NEK2: variants seen among roughly 807,000 people sequenced by gnomAD.
The protein encoded by NEK2 is serine/threonine-protein kinase Nek2.
In NEK2, 28 loss-of-function variants were observed where a neutral mutation model predicts 54.1. The ratio of observed to expected loss-of-function variants is 0.52; its 90% confidence interval spans 0.38 to 0.71. The LOEUF is 0.71. NEK2 is among the 30% of genes least tolerant of loss of function. The pLI is 0.00. For synonymous variants in NEK2, 176 were observed against 193.1 expected, an observed-to-expected ratio of 0.91 and a Z score of 0.73; for missense variants, 407 against 531.5, an observed-to-expected ratio of 0.77 and a Z score of 2.30.
rs756236866 is a variant in NEK2, at chr1:211,663,497, G to A, written c.1267C>T (p.Arg423Trp). 7.4e-6 allele frequency: 12 copies of A among 1,613,926 alleles called. No homozygotes were observed. The highest frequency in any genetic ancestry group is 4.0e-5 in the African/African-American group (3 of 75,032). Residue 423 changes from arginine to tryptophan, a missense_variant, in exon 8 of 8, where the codon CGG (arginine) becomes TGG (tryptophan). Coordinates refer to ENST00000366999, the MANE Select transcript of NEK2 (RefSeq NM_002497.4). ...LKKRLHAAQL[R>W]AQALSDIEKN... ...TCAATATCTGACAGGGCTTGAGCCC[G>A]CAGCTGGGCAGCGTGAAGCCTTTTC...
chr1:211,660,857 T>G (rs551859462), downstream of NEK2: 1 of 715,870 alleles, frequency 1.4e-6, no homozygotes, highest in African/African-American at 1.7e-5. Context: ...TCCAGAAGCA[T>G]AGCATCATTG....
intron 1 of NEK2, among the ~76,000 whole-genome samples, 186 bp from the exon 2 acceptor site, chr1:211,674,699 A>T (rs1363037037): frequency 6.6e-6 from 1 of 152,194 alleles, no homozygotes; most frequent in Admixed American, 6.5e-5. Flanking sequence ...AGTTCTAAGC[A>T]GTAAATGTAT....
rs1655558432 is a variant in NEK2, at chr1:211,675,561, G to C, written c.-82C>G. 2 of 1,163,788 alleles carry C rather than the reference G, an allele frequency of 1.7e-6. No homozygotes were observed. The highest frequency in any genetic ancestry group is 1.8e-5 in the Admixed American group (1 of 55,058). The allele number at this position is 1,163,788 out of a possible 1,614,324, so 72.1% of individuals were successfully genotyped here. ...AGCTCCAGGGACCAGGAACTCCAGGGACCTGGATGGAGAAGCCCCCGAGCA... is the reference window on the plus strand; with the variant it reads ...AGCTCCAGGGACCAGGAACTCCAGGCACCTGGATGGAGAAGCCCCCGAGCA... On this transcript the variant is annotated 5_prime_UTR_variant, in exon 1 of 8. Transcript: ENST00000366999.
chr1:211,661,850 G>A (rs1242399864), downstream of NEK2, among the ~76,000 whole-genome samples: 6 of 152,156 alleles, frequency 3.9e-5, no homozygotes, highest in African/African-American at 1.2e-4. Context: ...TAAGGCAAGC[G>A]TGGCACTATT....
downstream of NEK2, among the ~76,000 whole-genome samples, chr1:211,659,300 C>T (rs1394053688): frequency 1.3e-5 from 2 of 152,050 alleles, no homozygotes; most frequent in African/African-American, 4.8e-5. Context: ...TGGAGATAGT[C>T]CATAAGAGCT....
At chr1:211,667,265 T>A in intron 6 of NEK2, 34 bp from the exon 7 acceptor site, 3 of 1,563,910 alleles carry the variant, frequency 1.9e-6, no homozygotes, top group Non-Finnish European at 2.6e-6. Context: ...AAAAAAAAAT[T>A]AACAACTGAC....
At chr1:211,667,919 G>A (rs868391770) in intron 6 of NEK2, among the ~76,000 whole-genome samples, 4 of 151,928 alleles carry the variant, frequency 2.6e-5, no homozygotes, top group Admixed American at 6.6e-5. Flanking sequence ...GGTGGCAGGC[G>A]CCTGTAATCC....
chr1:211,674,436 CA>C lies in NEK2; in HGVS notation c.173del (p.Leu58CysfsTer5). On this transcript the variant is annotated frameshift_variant, in exon 2 of 8. Coordinates refer to ENST00000366999, the MANE Select transcript of NEK2 (RefSeq NM_002497.4). LOFTEE classifies it high-confidence loss of function. ...EKQMLVSEVN[L>X]LRELKHPNIV... ...TGTTTGGATGTTTCAGTTCACGAAGCAAATTCACTTCAGAAACAAGCATCTG... is the reference window on the plus strand; with the variant it reads ...TGTTTGGATGTTTCAGTTCACGAAGCAATTCACTTCAGAAACAAGCATCTG... 6.2e-7 allele frequency: 1 copy of C among 1,614,120 alleles called. No individual in the cohort carries two copies. The highest frequency in any genetic ancestry group is 8.5e-7 in the Non-Finnish European group (1 of 1,179,998).
At chr1:211,658,500 T>C (rs1481035556), downstream of NEK2, among the ~76,000 whole-genome samples, 1 of 150,250 alleles carries the variant, frequency 6.7e-6, no homozygotes, top group African/African-American at 2.4e-5. Context: ...AAGAAATAGG[T>C]CATAAAGGGG....
intron 7 of NEK2, among the ~76,000 whole-genome samples, chr1:211,665,083 A>G (rs2102439774): frequency 6.6e-6 from 1 of 152,376 alleles, no homozygotes; most frequent in East Asian, 1.9e-4. Context: ...TGAATATTTC[A>G]TCAAATACGA....
Position 211,673,604 on chromosome 1 carries a change from G to C in NEK2, c.434C>G (p.Ala145Gly). 6.2e-7 allele frequency: 1 copy of C among 1,614,120 alleles called. No individual in the cohort carries two copies. Among genetic ancestry groups the C allele is most frequent in the Non-Finnish European group, 8.5e-7 (1 of 1,180,020 alleles). ...HTVLHRDLKP[A>G]NVFLDGKQNV... is the part of the protein sequence containing the mutation. Reference sequence around the variant, plus strand: ...TTGCTTGCCATCCAGGAAAACATTGGCTGGTTTCAGATCCCGATGCAATAC... The same window carrying C: ...TTGCTTGCCATCCAGGAAAACATTGCCTGGTTTCAGATCCCGATGCAATAC... Residue 145 changes from alanine (A) to glycine (G), a missense_variant, in exon 3 of 8, where the codon GCC becomes GGC. Ala to Gly is a moderately conservative substitution (Grantham distance 60). Transcript: ENST00000366999.
In NEK2 at chr1:211,663,482, A is replaced by G. The variant is rs752525969; in HGVS notation, c.1282T>C (p.Ser428Pro). Residue 428 changes from serine (S) to proline (P), a missense_variant, in exon 8 of 8, where the codon TCA (serine) becomes CCA (proline). Transcript: ENST00000366999. ...AGTTGGTAATTTTTCTCAATATCTG[A>G]CAGGGCTTGAGCCCGCAGCTGGGCA... is the stretch of plus-strand genomic sequence containing the variant. Reference protein sequence around the residue: ...HAAQLRAQALSDIEKNYQLKS... With the variant: ...HAAQLRAQALPDIEKNYQLKS... 6.2e-7 allele frequency: 1 copy of G among 1,613,906 alleles called. No homozygotes were observed. Among genetic ancestry groups the G allele is most frequent in the African/African-American group, 1.3e-5 (1 of 75,042 alleles).
rs753913263 is a variant in NEK2 at position 211,673,695 on chromosome 1, G to C, written c.343C>G (p.Arg115Gly). 1.2e-6 allele frequency: 2 copies of C among 1,614,112 alleles called. No homozygotes were observed. The highest frequency in any genetic ancestry group is 1.7e-5 in the Admixed American group (1 of 60,018). Residue 115 changes from arginine (R) to glycine (G), a missense_variant, in exon 3 of 8, where the codon CGA becomes GGA. By Grantham distance (125) the Arg-to-Gly change is moderately radical. Transcript: ENST00000366999. ...RQYLDEEFVL[R>G]VMTQLTLALK... is the part of the protein sequence containing the mutation. The stretch of plus-strand genomic sequence containing the variant: ...GCCAGAGTCAACTGAGTCATCACTC[G>C]AAGAACAAACTCTTCATCTAAGTAT...
rs1424424423 is a variant in NEK2 at position 211,671,248 on chromosome 1, C to T, written c.592G>A (p.Asp198Asn). The change falls in exon 4 of 8, where the codon GAT becomes AAT. Residue 198 changes from aspartate to asparagine, a missense_variant. Asp to Asn is a conservative substitution (Grantham distance 23, BLOSUM62 1). Coordinates refer to ENST00000366999, the MANE Select transcript of NEK2 (RefSeq NM_002497.4). ...MNRMSYNEKS[D>N]IWSLGCLLYE... ...AGCAAGCAGCCCAATGACCAGATAT[C>T]TGATTTCTCATTGTAGGACATGCGA... The T allele has an allele frequency of 6.2e-7, 1 of 1,613,712 alleles. No homozygotes were observed. Among genetic ancestry groups the T allele is most frequent in the East Asian group, 2.2e-5 (1 of 44,842 alleles).
At chr1:211,666,047 A>G (rs764373150) in intron 7 of NEK2, among the ~76,000 whole-genome samples, 48 of 152,384 alleles carry the variant, frequency 3.1e-4, no homozygotes, top group South Asian at 1.4e-3. Context: ...TAAATCAAGC[A>G]AAAAGATGTT....
At chr1:211,672,874 T>C (rs1340899991) in intron 3 of NEK2, among the ~76,000 whole-genome samples, 2 of 152,114 alleles carry the variant, frequency 1.3e-5, no homozygotes, top group Non-Finnish European at 2.9e-5. Context: ...TTAATTTGCA[T>C]GAATGCTCAA....
At chr1:211,665,814 T>C (rs1242988261) in intron 7 of NEK2, among the ~76,000 whole-genome samples, 1 of 152,236 alleles carries the variant, frequency 6.6e-6, no homozygotes, top group East Asian at 1.9e-4. Context: ...ATTGTGATCA[T>C]CAATCTAACT....
downstream of NEK2, among the ~76,000 whole-genome samples, chr1:211,659,064 T>C (rs1045825703): frequency 1.8e-4 from 28 of 152,334 alleles, no homozygotes; most frequent in African/African-American, 6.0e-4. Context: ...TGTGACAATG[T>C]ACTTTCATGG....
chr1:211,660,174 C>A (rs1654981852), downstream of NEK2: 2 of 257,138 alleles, frequency 7.8e-6, no homozygotes, highest in African/African-American at 4.4e-5. Context: ...TCTCCCTGCC[C>A]TTGCAGTCTC....
Sources: gnomAD v4.1 joint callset for allele counts (sites outside exome capture counted in the v4.1 genomes callset) on GRCh38, gnomAD v4.1.1 for gene constraint, MANE v1.5 for transcripts, NCBI Gene and HGNC (gene_info 2026-07-23, HGNC 2026-07-21) for gene names.